The following OTUD7A variants were observed in gnomAD, a reference collection of about 807,000 sequenced individuals.
OTUD7A encodes OTU deubiquitinase 7A.
OTUD7A carries 12 observed loss-of-function variants against 65.7 expected under a neutral mutation model. That is an observed-to-expected ratio of 0.18 (90% CI 0.12 to 0.30). OTUD7A has a LOEUF of 0.30. OTUD7A is among the 10% of genes least tolerant of loss of function. The pLI is 1.00. For synonymous variants in OTUD7A, 641 were observed against 586.3 expected (o/e 1.09, Z -1.35); for missense variants, 1,148 against 1,304.8 (o/e 0.88, Z 1.85).
chr15:31,731,879 T>C (rs1894054154), intron 1 of OTUD7A, among the ~76,000 whole-genome samples: 1 of 151,996 alleles, frequency 6.6e-6, no homozygotes, highest in Admixed American at 6.6e-5. Flanking sequence ...AAGTAAAGTG[T>C]ATTAAAAAAA....
rs2625790 is a variant in OTUD7A at position 31,686,325 on chromosome 15, C to T, written c.-99-29248G>A. On this transcript the variant is annotated intron_variant, in intron 1 of 12. Coordinates refer to ENST00000307050, the MANE Select transcript of OTUD7A (RefSeq NM_001382637.1). ...GGTTCTCCAGCACACAGGCCATGAG[C>T]GTGGAGCTCACTCAAGACTAGAGAG... Among the ~76,000 whole-genome samples, 44 of 152,304 alleles carry T rather than the reference C, an allele frequency of 2.9e-4. No homozygotes were observed. In the East Asian group the frequency reaches 4.1e-3, roughly 14 times the overall value.
intron 3 of OTUD7A, among the ~76,000 whole-genome samples, chr15:31,582,989 A>C (rs1232667955): frequency 2.0e-5 from 3 of 152,230 alleles, no homozygotes; most frequent in African/African-American, 4.8e-5. Flanking sequence ...TTGCATGTAC[A>C]TATGATTTGA....
chr15:31,550,225 C>T (rs186452156), intron 5 of OTUD7A, among the ~76,000 whole-genome samples: 1 of 152,130 alleles, frequency 6.6e-6, no homozygotes, highest in Non-Finnish European at 1.5e-5. Context: ...ATGTTTTAGC[C>T]CAATAATGAC....
At position 31,561,740 on chromosome 15, in the gene OTUD7A, C is replaced by A. The variant is rs1364395939; in HGVS notation, c.332-2553G>T. Among the ~76,000 whole-genome samples, 9 of 151,794 alleles carry A rather than the reference C, an allele frequency of 5.9e-5. No individual in the cohort carries two copies. In the East Asian group the frequency reaches 7.8e-4, roughly 13 times the overall value. On this transcript the variant is annotated intron_variant, in intron 4 of 12. Transcript: ENST00000307050. The stretch of plus-strand genomic sequence containing the variant: ...CCTAATTCTAACATTTCCTGTGACA[C>A]CCCAGGAATGCACACATATCATCTC...
chr15:31,627,189 A>G (rs1200762709), intron 3 of OTUD7A, among the ~76,000 whole-genome samples: 3 of 151,340 alleles, frequency 2.0e-5, no homozygotes, highest in African/African-American at 7.3e-5. Context: ...TGCTGCACCC[A>G]TTAACTCGTC....
chr15:31,592,904 A>T lies in OTUD7A; in HGVS notation c.152-22707T>A, dbSNP rs868158078. Among the ~76,000 whole-genome samples, 497 of 59,394 alleles carry T rather than the reference A, an allele frequency of 8.4e-3. 3 individuals carry two copies. The highest frequency in any genetic ancestry group is 0.015 in the South Asian group (22 of 1,448). The allele number at this position is 59,394 out of a possible 152,430, so 39.0% of individuals were successfully genotyped here. On this transcript the variant is annotated intron_variant, in intron 3 of 12. Transcript: ENST00000307050. Reference sequence around the variant, plus strand: ...CAAAAAAAAAAAAAAAAAAAAAAAAAATATATATATATATATATATATATA... The same window carrying T: ...CAAAAAAAAAAAAAAAAAAAAAAAATATATATATATATATATATATATATA...
rs573283310 is a variant in OTUD7A at position 31,552,152 on chromosome 15, A to T, written c.550+6817T>A. Among the ~76,000 whole-genome samples the T allele has an allele frequency of 2.6e-5, 4 of 152,296 alleles. No homozygotes were observed. In the South Asian group the frequency reaches 6.2e-4, roughly 24 times the overall value. Reference sequence around the variant, plus strand: ...TGCTCCCCTTCACATCATATGATACATCTGCTTCCCCTTCCCCTTCTGCCA... The same window carrying T: ...TGCTCCCCTTCACATCATATGATACTTCTGCTTCCCCTTCCCCTTCTGCCA... On this transcript the variant is annotated intron_variant, in intron 5 of 12. Coordinates refer to ENST00000307050, the MANE Select transcript of OTUD7A (RefSeq NM_001382637.1).
chr15:31,738,131 A>T (rs1289728041), intron 1 of OTUD7A, among the ~76,000 whole-genome samples: 1 of 152,212 alleles, frequency 6.6e-6, no homozygotes, highest in South Asian at 2.1e-4. Context: ...GCCAGAGAAA[A>T]CAAGGCAGAG....
intron 10 of OTUD7A, among the ~76,000 whole-genome samples, chr15:31,488,743 A>G (rs1158235537): frequency 6.6e-6 from 1 of 152,228 alleles, no homozygotes. Context: ...AAGAAATTGG[A>G]AAAACTGACT....
At chr15:31,792,031 TA>T (rs2140938179) in intron 1 of OTUD7A, among the ~76,000 whole-genome samples, 1 of 152,250 alleles carries the variant, frequency 6.6e-6, no homozygotes, top group East Asian at 1.9e-4. Context: ...CTTGACTTCC[TA>T]CCACCACTCC....
intron 1 of OTUD7A, among the ~76,000 whole-genome samples, chr15:31,722,049 C>T (rs1473995801): frequency 6.6e-5 from 10 of 152,190 alleles, no homozygotes; most frequent in Admixed American, 2.6e-4. Context: ...GGAGGATCTG[C>T]CAGGACTGTG....
Position 31,662,445 on chromosome 15 carries a change from C to T in OTUD7A, c.-99-5368G>A, listed in dbSNP as rs113423881. 9.8e-3 allele frequency among the ~76,000 whole-genome samples: 1,496 copies of T among 152,286 alleles called. 35 individuals are homozygous for T. The highest frequency in any genetic ancestry group is 0.035 in the African/African-American group (1,436 of 41,560). On this transcript the variant is annotated intron_variant, in intron 1 of 12. Transcript: ENST00000307050. Reference sequence around the variant, plus strand: ...TTAAACATATTTTATGCATTTCAATCTATCCAATATAGAGCAGTTGTTGTC... The same window carrying T: ...TTAAACATATTTTATGCATTTCAATTTATCCAATATAGAGCAGTTGTTGTC...
chr15:31,747,777 C>G (rs531087327), intron 1 of OTUD7A, among the ~76,000 whole-genome samples: 20 of 152,242 alleles, frequency 1.3e-4, no homozygotes, highest in African/African-American at 4.8e-4. Context: ...AGGGGAGAAA[C>G]TTCCACTACC....
chr15:31,746,139 A>T (rs1256629065), intron 1 of OTUD7A, among the ~76,000 whole-genome samples: 1 of 152,228 alleles, frequency 6.6e-6, no homozygotes, highest in Non-Finnish European at 1.5e-5. Flanking sequence ...CTTTCTATAA[A>T]ACTAAGCAAA....
intron 1 of OTUD7A, among the ~76,000 whole-genome samples, chr15:31,869,886 C>T (rs1437652044): frequency 1.3e-5 from 2 of 152,184 alleles, no homozygotes; most frequent in Admixed American, 6.5e-5. Flanking sequence ...CAATTTTTTC[C>T]CCTCCAGTGA....
At chr15:31,495,442 C>T (rs2041369539) in intron 10 of OTUD7A, among the ~76,000 whole-genome samples, 2 of 152,238 alleles carry the variant, frequency 1.3e-5, no homozygotes, top group Non-Finnish European at 2.9e-5. Flanking sequence ...TGTAGGTCAA[C>T]AGTGTCAAAG....
rs1165855515 is a variant in OTUD7A at position 31,483,974 on chromosome 15, C to T, written c.2122G>A (p.Glu708Lys). Residue 708 changes from glutamate (E) to lysine (K), a missense_variant, in exon 13 of 13, where the codon GAG (glutamate) becomes AAG (lysine). By Grantham distance (56) the Glu-to-Lys change is moderately conservative. Coordinates refer to ENST00000307050, the MANE Select transcript of OTUD7A (RefSeq NM_001382637.1). ...AKRPPRRPETEGVPVPERASP... is the reference protein window; with the variant it reads ...AKRPPRRPETKGVPVPERASP... Reference sequence around the variant, plus strand: ...GCGCGCTCCGGGACCGGCACGCCCTCCGTCTCCGGTCTGCGCGGCGGCCGC... The same window carrying T: ...GCGCGCTCCGGGACCGGCACGCCCTTCGTCTCCGGTCTGCGCGGCGGCCGC... The T allele has an allele frequency of 3.5e-6, 4 of 1,142,912 alleles. No homozygotes were observed. The highest frequency in any genetic ancestry group is 4.3e-6 in the Non-Finnish European group (4 of 925,346). The allele number at this position is 1,142,912 out of a possible 1,614,324, so 70.8% of individuals were successfully genotyped here. A position where few individuals can be genotyped will look rare whatever the true frequency, so the allele number is the denominator to read the frequency against.
chr15:31,735,841 A>C (rs1445483185), intron 1 of OTUD7A, among the ~76,000 whole-genome samples: 4 of 152,260 alleles, frequency 2.6e-5, no homozygotes, highest in African/African-American at 9.6e-5. Context: ...CTGGATAAAC[A>C]AAATGTGGTA....
Position 31,808,098 on chromosome 15 carries a change from AACACAC to A in OTUD7A, c.-100+62403_-100+62408del, listed in dbSNP as rs55911531. Among the ~76,000 whole-genome samples, 608 of 95,862 alleles carry A rather than the reference AACACAC, an allele frequency of 6.3e-3. 9 individuals carry two copies. The highest frequency in any genetic ancestry group is 0.019 in the African/African-American group (551 of 28,704). 62.9% of individuals were successfully genotyped at this position (95,862 alleles called of 152,430 possible). ...TATATAATTGAGCTAACAAATGCCA[AACACAC>A]ACACACACACACACACACACACACA... On this transcript the variant is annotated intron_variant, in intron 1 of 12. Transcript: ENST00000307050.
Sources: gnomAD v4.1 joint callset for allele counts (sites outside exome capture counted in the v4.1 genomes callset) on GRCh38, gnomAD v4.1.1 for gene constraint, MANE v1.5 for transcripts, NCBI Gene and HGNC (gene_info 2026-07-23, HGNC 2026-07-21) for gene names.